JDP2: variants seen among roughly 807,000 people sequenced by gnomAD.
JDP2 encodes progesterone receptor co-activator.
A neutral mutation model predicts 17.1 loss-of-function variants in JDP2; 9 were observed. That is an observed-to-expected ratio of 0.53 (90% confidence interval 0.32 to 0.92). JDP2 has a LOEUF of 0.92. Among genes scored for constraint, JDP2 ranks in the 40% least tolerant of loss-of-function variants. The pLI, the probability that JDP2 is intolerant of heterozygous loss-of-function variation, is 0.04. For synonymous variants in JDP2, 107 were observed against 95.6 expected (o/e 1.12, Z -0.69); for missense variants, 179 against 220.0 (o/e 0.81, Z 1.18).
At chr14:75,429,562 C>T (rs982874222) in intron 1 of JDP2, among the ~76,000 whole-genome samples, 2 of 152,138 alleles carry the variant, frequency 1.3e-5, no homozygotes, top group Non-Finnish European at 2.9e-5. Flanking sequence ...TTTTAAAAAA[C>T]ACTTCCCATT....
In JDP2 at chr14:75,437,970, C is replaced by G. The variant is rs1225744340; in HGVS notation, c.50C>G (p.Pro17Arg). 6.2e-7 allele frequency: 1 copy of G among 1,613,360 alleles called. No individual in the cohort carries two copies. Among genetic ancestry groups the G allele is most frequent in the Non-Finnish European group, 8.5e-7 (1 of 1,179,800 alleles). Residue 17 changes from proline to arginine, a missense_variant, in exon 2 of 4, where the codon CCA becomes CGA. By Grantham distance (103) the Pro-to-Arg change is moderately radical. Coordinates refer to ENST00000651602, the MANE Select transcript of JDP2 (RefSeq NM_001135048.2). ...PDPSVTTGSL[P>R]GLGPLTGLPS... is the part of the protein sequence containing the mutation. Reference sequence around the variant, plus strand: ...CCTTCGGTGACCACAGGCTCCCTGCCAGGGCTTGGCCCCCTGACCGGGCTC... The same window carrying G: ...CCTTCGGTGACCACAGGCTCCCTGCGAGGGCTTGGCCCCCTGACCGGGCTC...
chr14:75,444,465 T>G (rs1300920744), intron 2 of JDP2, among the ~76,000 whole-genome samples: 1 of 152,220 alleles, frequency 6.6e-6, no homozygotes, highest in Non-Finnish European at 1.5e-5. Context: ...GGGCTACTTC[T>G]GGGGCCTGGG....
intron 2 of JDP2, among the ~76,000 whole-genome samples, chr14:75,447,131 C>T (rs1444506766): frequency 6.6e-6 from 1 of 152,192 alleles, no homozygotes; most frequent in Non-Finnish European, 1.5e-5. Context: ...GAAAGTCTTT[C>T]AAAAATATTG....
Position 75,469,594 on chromosome 14 carries a change from T to G in JDP2, c.*119T>G. On this transcript the variant is annotated 3_prime_UTR_variant, in exon 4 of 4. Transcript: ENST00000651602. Reference sequence around the variant, plus strand: ...GTGCATGAAAAACTGTACAATGAGGTTCAGCACAGCCAGCATCAGCCGAGC... The same window carrying G: ...GTGCATGAAAAACTGTACAATGAGGGTCAGCACAGCCAGCATCAGCCGAGC... 10 of 794,900 alleles carry G rather than the reference T, an allele frequency of 1.3e-5. No individual in the cohort carries two copies. Among genetic ancestry groups the G allele is most frequent in the Non-Finnish European group, 1.4e-5 (7 of 508,396 alleles). 49.2% of individuals were successfully genotyped at this position (794,900 alleles called of 1,614,324 possible).
chr14:75,449,081 T>C (rs532078162), intron 2 of JDP2, among the ~76,000 whole-genome samples: 1 of 152,148 alleles, frequency 6.6e-6, no homozygotes, highest in African/African-American at 2.4e-5. Context: ...GATGGGGAGG[T>C]TGCCTTTGCC....
intron 2 of JDP2, among the ~76,000 whole-genome samples, chr14:75,442,037 C>A (rs185295538): frequency 6.6e-6 from 1 of 152,040 alleles, no homozygotes; most frequent in African/African-American, 2.4e-5. Flanking sequence ...CCTCTCGCCA[C>A]GTCTCGGTGC....
intron 1 of JDP2, among the ~76,000 whole-genome samples, chr14:75,436,279 G>T (rs1036804335): frequency 6.6e-6 from 1 of 152,204 alleles, no homozygotes; most frequent in Non-Finnish European, 1.5e-5. Context: ...GGCCACTCCT[G>T]CAGGAGACAG....
Position 75,428,047 on chromosome 14 carries a change from G to A in JDP2, c.-229G>A, listed in dbSNP as rs962693688. Reference sequence around the variant, plus strand: ...GCCGCCCGCCACAGCCTGCGGGAGGGACGCTCGGCGGCCGCGACGGGGGGC... The same window carrying A: ...GCCGCCCGCCACAGCCTGCGGGAGGAACGCTCGGCGGCCGCGACGGGGGGC... On this transcript the variant is annotated 5_prime_UTR_variant, in exon 1 of 4. Transcript: ENST00000651602. The surrounding 1 kb of genome is among the most constrained non-coding windows in gnomAD (Gnocchi z 5.6). The A allele has an allele frequency of 2.0e-5, 3 of 149,898 alleles. No homozygotes were observed. Among genetic ancestry groups the A allele is most frequent in the Non-Finnish European group, 4.5e-5 (3 of 67,254 alleles). 9.3% of individuals were successfully genotyped at this position (149,898 alleles called of 1,614,324 possible).
At chr14:75,434,475 A>G (rs1395872971) in intron 1 of JDP2, among the ~76,000 whole-genome samples, 2 of 152,156 alleles carry the variant, frequency 1.3e-5, no homozygotes, top group East Asian at 1.9e-4. Flanking sequence ...AGGAAAGACT[A>G]GTGCCTTGTC....
intron 2 of JDP2, among the ~76,000 whole-genome samples, chr14:75,451,150 G>A (rs1446913200): frequency 6.6e-6 from 1 of 152,198 alleles, no homozygotes; most frequent in Non-Finnish European, 1.5e-5. Context: ...ATAGGAGCTT[G>A]GGCCTCATCC....
chr14:75,469,477 C>G lies in JDP2; in HGVS notation c.*2C>G. 1 of 1,611,566 alleles carries G rather than the reference C, an allele frequency of 6.2e-7. No individual in the cohort carries two copies. Among genetic ancestry groups the G allele is most frequent in the Non-Finnish European group, 8.5e-7 (1 of 1,178,530 alleles). ...CTCGAGCAGCTCGAGAAGAAGTGAC[C>G]ATGGGCTGGGAGGAGGTGGAGGAGG... On this transcript the variant is annotated 3_prime_UTR_variant, in exon 4 of 4. Transcript: ENST00000651602.
At chr14:75,457,543 T>TG (rs1209080120) in intron 2 of JDP2, among the ~76,000 whole-genome samples, 1 of 152,202 alleles carries the variant, frequency 6.6e-6, no homozygotes, top group Non-Finnish European at 1.5e-5. Context: ...ACAGTTTCAA[T>TG]GGGGAAGGTA....
chr14:75,469,016 G>T (rs982624200), intron 3 of JDP2, among the ~76,000 whole-genome samples: 1 of 152,272 alleles, frequency 6.6e-6, no homozygotes, highest in African/African-American at 2.4e-5. Flanking sequence ...GGTCACTGAA[G>T]CTGGGGTGGA....
At position 75,453,314 on chromosome 14, in the gene JDP2, G is replaced by C. The variant is rs542593180; in HGVS notation, c.202-8112G>C. On this transcript the variant is annotated intron_variant, in intron 2 of 3. Coordinates refer to ENST00000651602, the MANE Select transcript of JDP2 (RefSeq NM_001135048.2). The stretch of plus-strand genomic sequence containing the variant: ...GTTGAAATGTGGCTCCTCCATGCAG[G>C]GGGGGCCCTGGTGGGCCTGGCTGGC... Among the ~76,000 whole-genome samples, 222 of 152,284 alleles carry C rather than the reference G, an allele frequency of 1.5e-3. 1 individual carries two copies. The highest frequency in any genetic ancestry group is 4.9e-3 in the African/African-American group (205 of 41,554).
chr14:75,434,396 G>A (rs781424520), intron 1 of JDP2, among the ~76,000 whole-genome samples: 1 of 152,068 alleles, frequency 6.6e-6, no homozygotes, highest in African/African-American at 2.4e-5. Flanking sequence ...GGGCTTTGTG[G>A]TTTATATCTG....
intron 1 of JDP2, among the ~76,000 whole-genome samples, chr14:75,434,702 A>ATGGG (rs981936787): frequency 1.3e-5 from 2 of 152,212 alleles, no homozygotes; most frequent in African/African-American, 4.8e-5. Flanking sequence ...CCGGAACAGA[A>ATGGG]TGGGGTCTGG....
intron 3 of JDP2, among the ~76,000 whole-genome samples, chr14:75,462,615 AT>A (rs1164021953): frequency 2.0e-5 from 3 of 152,130 alleles, no homozygotes; most frequent in Non-Finnish European, 2.9e-5. Context: ...TTCAACGGGT[AT>A]TTTTAAGCAT....
In JDP2 at chr14:75,469,764, G is replaced by A. The variant is rs1886738107; in HGVS notation, c.*289G>A. On this transcript the variant is annotated 3_prime_UTR_variant, in exon 4 of 4. Transcript: ENST00000651602. ...TTGAAGGAGGCAGGACAGAGGCACCGAGGCCAGGGAGACGCCCAACGAGGC... is the reference window on the plus strand; with the variant it reads ...TTGAAGGAGGCAGGACAGAGGCACCAAGGCCAGGGAGACGCCCAACGAGGC... 8.9e-6 allele frequency: 3 copies of A among 336,474 alleles called. No individual in the cohort carries two copies. Among genetic ancestry groups the A allele is most frequent in the Non-Finnish European group, 1.1e-5 (2 of 181,284 alleles). The allele number at this position is 336,474 out of a possible 1,614,324, so 20.8% of individuals were successfully genotyped here. A position where few individuals can be genotyped will look rare whatever the true frequency, so the allele number is the denominator to read the frequency against.
chr14:75,431,619 G>A (rs1884801433), intron 1 of JDP2, among the ~76,000 whole-genome samples: 1 of 152,224 alleles, frequency 6.6e-6, no homozygotes. Context: ...GGCAGGTGCT[G>A]GGCCCCATTT....
Sources: allele counts gnomAD v4.1 joint callset (sites outside exome capture counted in the v4.1 genomes callset), GRCh38; gene constraint gnomAD v4.1.1; non-coding constraint Gnocchi (gnomAD v3.1); transcripts MANE v1.5; gene names NCBI Gene and HGNC (gene_info 2026-07-23, HGNC 2026-07-21).